The following TTC27 variants were observed in gnomAD, a reference collection of about 807,000 sequenced individuals.
TTC27 encodes tetratricopeptide repeat protein 27.
A neutral mutation model predicts 115.9 loss-of-function variants in TTC27; 79 were observed. That is an observed-to-expected ratio of 0.68 (90% CI 0.57 to 0.82). TTC27 has a LOEUF of 0.82. Ranked by LOEUF, TTC27 falls within the 40% of genes least tolerant of loss-of-function variation. TTC27 has a pLI of 0.00. For synonymous variants in TTC27, 401 were observed against 356.0 expected, an observed-to-expected ratio of 1.13 and a Z score of -1.42; for missense variants, 1,054 against 993.1, an observed-to-expected ratio of 1.06 and a Z score of -0.82.
chr2:32,787,021 T>G lies in TTC27; in HGVS notation c.1870T>G (p.Cys624Gly). ...TAGAACTTTACAAGAAGCTCTCAAG[T>G]GTAACTATGAACACTGGCAGATTTG... is the stretch of plus-strand genomic sequence containing the variant. Reference protein sequence around the residue: ...AFRTLQEALKCNYEHWQIWEN... With the variant: ...AFRTLQEALKGNYEHWQIWEN... Residue 624 changes from cysteine to glycine, a missense_variant, in exon 16 of 20, where the codon TGT (cysteine) becomes GGT (glycine). Physicochemically the swap from Cys to Gly is radical, Grantham distance 159. Transcript: ENST00000317907. The G allele has an allele frequency of 6.2e-7, 1 of 1,613,960 alleles. No homozygotes were observed. The highest frequency in any genetic ancestry group is 8.5e-7 in the Non-Finnish European group (1 of 1,179,974).
At chr2:32,751,084 T>A (rs77470087) in intron 12 of TTC27, among the ~76,000 whole-genome samples, 15,407 of 152,178 alleles carry the variant, frequency 0.1, 987 homozygotes, top group African/African-American at 0.18. Context: ...GTGTAGAGAA[T>A]AGCACATTTG....
chr2:32,647,699 GCT>G (rs1664920458), intron 4 of TTC27, among the ~76,000 whole-genome samples: 3 of 152,142 alleles, frequency 2.0e-5, no homozygotes, highest in Admixed American at 2.0e-4. Context: ...GGAGCCAGGT[GCT>G]GTGGCATATA....
intron 16 of TTC27, among the ~76,000 whole-genome samples, chr2:32,798,560 C>T (rs1439699282): frequency 2.0e-5 from 3 of 149,330 alleles, no homozygotes; most frequent in African/African-American, 7.4e-5. Context: ...CAAAAATTAG[C>T]CAGGCGTGGT....
chr2:32,687,943 C>G (rs1666690103), intron 9 of TTC27, among the ~76,000 whole-genome samples: 1 of 152,098 alleles, frequency 6.6e-6, no homozygotes, highest in Non-Finnish European at 1.5e-5. Flanking sequence ...CAACATCAGC[C>G]ATTTTGACTG....
chr2:32,679,114 T>G (rs1666330493), intron 9 of TTC27, among the ~76,000 whole-genome samples, 192 bp downstream of exon 9: 1 of 152,166 alleles, frequency 6.6e-6, no homozygotes, highest in East Asian at 1.9e-4. Flanking sequence ...ACTCTTAAAT[T>G]GAGTGCTATG....
chr2:32,628,221 T>G lies in TTC27; in HGVS notation c.-72T>G. ...TTTCAGCGCCTTTGGACTCTCCTGT[T>G]TTCACTTTCTTTTGTTGACTCCCGT... On this transcript the variant is annotated 5_prime_UTR_variant, in exon 1 of 20. Coordinates refer to ENST00000317907, the MANE Select transcript of TTC27 (RefSeq NM_017735.5). 1 of 1,455,456 alleles carries G rather than the reference T, an allele frequency of 6.9e-7. No individual in the cohort carries two copies. Among genetic ancestry groups the G allele is most frequent in the Non-Finnish European group, 9.5e-7 (1 of 1,056,004 alleles). 90.2% of individuals were successfully genotyped at this position (1,455,456 alleles called of 1,614,324 possible). A position where few individuals can be genotyped will look rare whatever the true frequency, so the allele number is the denominator to read the frequency against.
At chr2:32,652,957 A>C (rs551921714) in intron 5 of TTC27, among the ~76,000 whole-genome samples, 10 of 152,192 alleles carry the variant, frequency 6.6e-5, no homozygotes, top group Non-Finnish European at 1.0e-4. Context: ...AATGGAGTCT[A>C]TCAAAATGTC....
chr2:32,724,811 G>T (rs1668052548), intron 10 of TTC27, among the ~76,000 whole-genome samples: 1 of 152,180 alleles, frequency 6.6e-6, no homozygotes, highest in Non-Finnish European at 1.5e-5. Context: ...ATTTGTTACT[G>T]TATTAGTCCA....
intron 3 of TTC27, among the ~76,000 whole-genome samples, chr2:32,636,273 G>C (rs767271107): frequency 6.6e-6 from 1 of 152,138 alleles, no homozygotes; most frequent in African/African-American, 2.4e-5. Flanking sequence ...GAGTGCAGTG[G>C]TGCGATCTCG....
intron 10 of TTC27, among the ~76,000 whole-genome samples, chr2:32,718,207 A>G (rs1322231692): frequency 4.6e-5 from 7 of 152,144 alleles, no homozygotes; most frequent in African/African-American, 9.6e-5. Flanking sequence ...TCTTTATCCA[A>G]TTCAGTTCTG....
chr2:32,691,157 C>T (rs1445045170), intron 9 of TTC27, among the ~76,000 whole-genome samples: 1 of 152,140 alleles, frequency 6.6e-6, no homozygotes, highest in Non-Finnish European at 1.5e-5. Context: ...AAATGACACT[C>T]TAGATCCTCT....
intron 4 of TTC27, among the ~76,000 whole-genome samples, chr2:32,644,345 T>A (rs1176737376): frequency 6.6e-6 from 1 of 150,786 alleles, no homozygotes; most frequent in African/African-American, 2.4e-5. Flanking sequence ...AGTGAGACTC[T>A]GTCTCCAAAA....
intron 16 of TTC27, among the ~76,000 whole-genome samples, chr2:32,794,374 A>T (rs530909362): frequency 5.8e-4 from 89 of 152,364 alleles, no homozygotes; most frequent in African/African-American, 2.0e-3. Context: ...AAATCACAAG[A>T]GAAATTAGAA....
intron 14 of TTC27, chr2:32,780,029 G>C (rs911384284): frequency 6.7e-6 from 3 of 446,246 alleles, no homozygotes; most frequent in South Asian, 1.7e-5. Flanking sequence ...TTCATTGACT[G>C]TATGTCACAT....
chr2:32,778,995 C>A (rs7578659), intron 14 of TTC27, among the ~76,000 whole-genome samples: 63,318 of 151,972 alleles, frequency 0.42, 13,410 homozygotes, highest in South Asian at 0.6. Context: ...AGGCCAAGGC[C>A]GGTGGATCAC....
intron 10 of TTC27, among the ~76,000 whole-genome samples, chr2:32,703,767 A>G (rs780299738): frequency 3.3e-5 from 5 of 152,236 alleles, no homozygotes; most frequent in Non-Finnish European, 7.3e-5. Context: ...ACCAAGAAAA[A>G]TGGAAAATCT....
chr2:32,634,160 C>G (rs979279298), intron 3 of TTC27, among the ~76,000 whole-genome samples, 155 bp downstream of exon 3: 1 of 152,176 alleles, frequency 6.6e-6, no homozygotes, highest in African/African-American at 2.4e-5. Flanking sequence ...CAGATTTTCA[C>G]AGATTTCCAG....
intron 10 of TTC27, among the ~76,000 whole-genome samples, chr2:32,726,586 A>G (rs865885860): frequency 6.6e-6 from 1 of 152,184 alleles, no homozygotes; most frequent in Non-Finnish European, 1.5e-5. Context: ...GGTCAAAGCC[A>G]TTCAACAAGT....
At chr2:32,682,685 T>G (rs1666473217) in intron 9 of TTC27, among the ~76,000 whole-genome samples, 1 of 150,182 alleles carries the variant, frequency 6.7e-6, no homozygotes, top group Non-Finnish European at 1.5e-5. Context: ...TTTTTTTTTT[T>G]GAAATGGAGT....
Sources: allele counts gnomAD v4.1 joint callset (sites outside exome capture counted in the v4.1 genomes callset), GRCh38; gene constraint gnomAD v4.1.1; transcripts MANE v1.5; gene names NCBI Gene and HGNC (gene_info 2026-07-23, HGNC 2026-07-21).